The following DZIP3 variants were observed in gnomAD, a reference collection of about 807,000 sequenced individuals.
DZIP3 encodes the protein E3 ubiquitin-protein ligase DZIP3.
A neutral mutation model predicts 162.0 loss-of-function variants in DZIP3; 118 were observed. That is an observed-to-expected ratio of 0.73 (90% CI 0.63 to 0.85). DZIP3 has a LOEUF of 0.85. Ranked by LOEUF, DZIP3 falls within the 40% of genes least tolerant of loss-of-function variation. The probability of loss-of-function intolerance (pLI) is 0.00; values close to 1 mark genes in which losing one functional copy is unlikely to be tolerated. For synonymous variants in DZIP3, 438 were observed against 458.6 expected, an observed-to-expected ratio of 0.96 and a Z score of 0.57; for missense variants, 1,331 against 1,407.0, an observed-to-expected ratio of 0.95 and a Z score of 0.86.
In DZIP3 at chr3:108,639,808, CCTTA is replaced by C. The variant is rs149727438; in HGVS notation, c.1064+2264_1064+2267del. ...CATTGATGTTTGTTCTTTGTAATTT[CCTTA>C]CTTTTGTTTGCTTTAGGTTTAATTT... On this transcript the variant is annotated intron_variant, in intron 12 of 32. Transcript: ENST00000361582. Among the ~76,000 whole-genome samples, 1,038 of 150,508 alleles carry C rather than the reference CCTTA, an allele frequency of 6.9e-3. 5 individuals are homozygous for C. Among genetic ancestry groups the C allele is most frequent in the African/African-American group, 0.024 (978 of 41,010 alleles).
intron 21 of DZIP3, among the ~76,000 whole-genome samples, chr3:108,664,212 G>C (rs1943573478): frequency 6.6e-6 from 1 of 152,106 alleles, no homozygotes; most frequent in Admixed American, 6.5e-5. Context: ...TAAGCACAGG[G>C]GGAGAAAAGC....
At chr3:108,662,671 T>C (rs1576439538) in intron 21 of DZIP3, among the ~76,000 whole-genome samples, 1 of 152,228 alleles carries the variant, frequency 6.6e-6, no homozygotes, top group Non-Finnish European at 1.5e-5. Flanking sequence ...GCCTGCGAGA[T>C]TGAAAACAAA....
At chr3:108,682,098 G>A (rs999607789) in intron 26 of DZIP3, among the ~76,000 whole-genome samples, 1 of 150,580 alleles carries the variant, frequency 6.6e-6, no homozygotes, top group Non-Finnish European at 1.5e-5. Context: ...AAAAAGAACA[G>A]CTATTATCAA....
chr3:108,618,897 C>T (rs915826019), intron 5 of DZIP3, among the ~76,000 whole-genome samples: 2 of 151,204 alleles, frequency 1.3e-5, no homozygotes, highest in Non-Finnish European at 3.0e-5. Context: ...CCCGTGTGTA[C>T]CAAAAATATA....
rs1942705481 is a variant in DZIP3, at chr3:108,648,033, TAC to T, written c.1885_1886del (p.Gln629ValfsTer5). ...ATAAATGTGAAATCACACCCTGAGA[TAC>T]AGTTTGCAGAAATTAATAAAGATGG... On this transcript the variant is annotated frameshift_variant, in exon 16 of 33. Transcript: ENST00000361582. LOFTEE classifies it high-confidence loss of function. 6.2e-7 allele frequency: 1 copy of T among 1,611,868 alleles called. No individual in the cohort carries two copies. The highest frequency in any genetic ancestry group is 1.3e-5 in the African/African-American group (1 of 74,760).
At chr3:108,661,122 A>G (rs1012273487) in intron 19 of DZIP3, among the ~76,000 whole-genome samples, 5 of 152,200 alleles carry the variant, frequency 3.3e-5, no homozygotes, top group South Asian at 2.1e-4. Flanking sequence ...TGACCCAGCC[A>G]TCCCATTACT....
In DZIP3 at chr3:108,684,174, G is replaced by T. The variant is rs568723945; in HGVS notation, c.2884-42G>T. 604 of 1,543,458 alleles carry T rather than the reference G, an allele frequency of 3.9e-4. 5 individuals are homozygous for T. Among genetic ancestry groups the T allele is most frequent in the South Asian group, 3.8e-3 (306 of 81,134 alleles). On this transcript the variant is annotated intron_variant, in intron 26 of 32. Coordinates refer to ENST00000361582, the MANE Select transcript of DZIP3 (RefSeq NM_014648.4). ...GCCTAAATAAATATATAAATATGTG[G>T]GGGGGGGTGTTGTTTATTATTGTTT...
At chr3:108,612,358 C>T (rs975364552) in intron 4 of DZIP3, among the ~76,000 whole-genome samples, 2 of 151,898 alleles carry the variant, frequency 1.3e-5, no homozygotes, top group Non-Finnish European at 2.9e-5. Flanking sequence ...CAATTATAAC[C>T]TTAACCGAGA....
In DZIP3 at chr3:108,654,137, G is replaced by A. The variant is rs544945851; in HGVS notation, c.2034-8G>A. 29 of 1,611,704 alleles carry A rather than the reference G, an allele frequency of 1.8e-5. No individual in the cohort carries two copies. The highest frequency in any genetic ancestry group is 3.3e-5 in the Admixed American group (2 of 59,902). On this transcript the variant is annotated splice_polypyrimidine_tract_variant and splice_region_variant and intron_variant, in intron 18 of 32. Coordinates refer to ENST00000361582, the MANE Select transcript of DZIP3 (RefSeq NM_014648.4). ...TAAAAGCTCACATTGATTATGTCAC[G>A]ACTACAGCCCATATGTGGTAGAAAA... is the stretch of plus-strand genomic sequence containing the variant.
chr3:108,624,310 G>T, intron 5 of DZIP3, 134 bp from the exon 6 acceptor site: 3 of 570,506 alleles, frequency 5.3e-6, no homozygotes, highest in South Asian at 2.2e-5. Flanking sequence ...GTTATTATTA[G>T]ATGACTGATA....
chr3:108,647,230 G>A (rs1419563502), intron 15 of DZIP3, among the ~76,000 whole-genome samples: 1 of 152,114 alleles, frequency 6.6e-6, no homozygotes, highest in African/African-American at 2.4e-5. Flanking sequence ...TTGGTGTTTA[G>A]CGTGTATAAC....
At chr3:108,692,039 T>C (rs1473743332) in intron 32 of DZIP3, among the ~76,000 whole-genome samples, 1 of 152,128 alleles carries the variant, frequency 6.6e-6, no homozygotes, top group Non-Finnish European at 1.5e-5. Context: ...TAAGCTCTTT[T>C]CTCTTACTAA....
chr3:108,694,574 C>T lies in DZIP3; in HGVS notation c.*1221C>T. On this transcript the variant is annotated 3_prime_UTR_variant, in exon 33 of 33. Transcript: ENST00000361582. ...TGCAGGGAAACTCCCATTTTTAAAA[C>T]CATCAGATCTCATGAGGCTTACTAT... 6.4e-6 allele frequency: 1 copy of T among 155,766 alleles called. No individual in the cohort carries two copies. The highest frequency in any genetic ancestry group is 1.9e-4 in the East Asian group (1 of 5,350). The allele number at this position is 155,766 out of a possible 1,614,324, so 9.6% of individuals were successfully genotyped here.
chr3:108,688,501 A>G, intron 29 of DZIP3, 92 bp from the exon 30 acceptor site: 7 of 1,329,058 alleles, frequency 5.3e-6, no homozygotes, highest in Non-Finnish European at 6.2e-6. Flanking sequence ...CCCTTTTGCT[A>G]GTTCTTACTA....
chr3:108,644,056 CT>C, intron 13 of DZIP3, 107 bp from the exon 14 acceptor site: 2 of 1,351,966 alleles, frequency 1.5e-6, no homozygotes, highest in Non-Finnish European at 2.0e-6. Flanking sequence ...ATCCTTCATT[CT>C]TTTGGAATAG....
chr3:108,645,896 A>G (rs1252126065), intron 14 of DZIP3, among the ~76,000 whole-genome samples: 1 of 152,178 alleles, frequency 6.6e-6, no homozygotes, highest in East Asian at 1.9e-4. Flanking sequence ...CATTTACTCT[A>G]TTAGGATTTT....
chr3:108,589,864 C>T (rs999557249), intron 1 of DZIP3, 25 bp downstream of exon 1: 2 of 152,640 alleles, frequency 1.3e-5, no homozygotes, highest in Non-Finnish European at 2.9e-5. Flanking sequence ...GGAGAAGAAT[C>T]TTGGGCCCTA....
chr3:108,687,840 T>A lies in DZIP3; in HGVS notation c.3150-136T>A, dbSNP rs946792387. On this transcript the variant is annotated intron_variant, in intron 28 of 32. Transcript: ENST00000361582. ...ATGGACCTGTGATCACTTTTTTAGA[T>A]CAAAGACCTAAAGAGTCCTGTCTGT... 1.1e-5 allele frequency: 12 copies of A among 1,138,388 alleles called. No individual in the cohort carries two copies. In the African/African-American group the frequency reaches 1.9e-4, roughly 18 times the overall value. 70.5% of individuals were successfully genotyped at this position (1,138,388 alleles called of 1,614,324 possible). A position where few individuals can be genotyped will look rare whatever the true frequency, so the allele number is the denominator to read the frequency against.
intron 1 of DZIP3, among the ~76,000 whole-genome samples, chr3:108,593,251 T>A (rs1939525201): frequency 6.6e-6 from 1 of 152,210 alleles, no homozygotes; most frequent in South Asian, 2.1e-4. Flanking sequence ...TACTTACCTA[T>A]CTAATCTTTA....
Sources: allele counts gnomAD v4.1 joint callset (sites outside exome capture counted in the v4.1 genomes callset), GRCh38; gene constraint gnomAD v4.1.1; transcripts MANE v1.5; gene names NCBI Gene and HGNC (gene_info 2026-07-23, HGNC 2026-07-21).